FGD4: variants seen among roughly 807,000 people sequenced by gnomAD.
FGD4 encodes the protein FYVE, RhoGEF and PH domain containing 4.
Under a neutral mutation model 102.0 loss-of-function variants are expected in FGD4, and 42 were observed. The observed-to-expected ratio is 0.41, with a 90% CI of 0.32 to 0.53. FGD4 has a LOEUF of 0.53. Among genes scored for constraint, FGD4 ranks in the 20% least tolerant of loss-of-function variants. FGD4 has a pLI of 0.21. For missense variants in FGD4, 902 were observed against 1,078.2 expected, an observed-to-expected ratio of 0.84 and a Z score of 2.29; for synonymous variants, 380 against 375.7, an observed-to-expected ratio of 1.01 and a Z score of -0.13.
intron 8 of FGD4, among the ~76,000 whole-genome samples, chr12:32,608,391 T>G (rs567205536): frequency 2.6e-5 from 4 of 152,220 alleles, no homozygotes; most frequent in Non-Finnish European, 5.9e-5. Flanking sequence ...ACAATTTCCT[T>G]GTCAGAGGAA....
intron 11 of FGD4, among the ~76,000 whole-genome samples, chr12:32,622,292 A>C (rs959679409): frequency 6.6e-6 from 1 of 152,190 alleles, no homozygotes; most frequent in South Asian, 2.1e-4. Flanking sequence ...CACGTGTCTA[A>C]CTACAGGGTA....
intron 10 of FGD4, among the ~76,000 whole-genome samples, chr12:32,614,152 G>A (rs1949312223): frequency 6.6e-6 from 1 of 152,164 alleles, no homozygotes; most frequent in South Asian, 2.1e-4. Context: ...GCACAAGTCT[G>A]ACCGAAAAAT....
At chr12:32,488,652 A>G (rs1943987873) in intron 1 of FGD4, among the ~76,000 whole-genome samples, 1 of 152,206 alleles carries the variant, frequency 6.6e-6, no homozygotes, top group Non-Finnish European at 1.5e-5. Flanking sequence ...ATGTTAAAAA[A>G]TAAGTTGGCT....
chr12:32,560,364 A>G (rs543556583), intron 1 of FGD4, among the ~76,000 whole-genome samples: 62 of 152,070 alleles, frequency 4.1e-4, no homozygotes, highest in Admixed American at 3.9e-4. Context: ...CCATCCTCGC[A>G]CCTCGGCCTT....
intron 1 of FGD4, among the ~76,000 whole-genome samples, chr12:32,460,373 CTG>C (rs1943069777): frequency 2.0e-5 from 3 of 151,698 alleles, no homozygotes; most frequent in Non-Finnish European, 4.4e-5. Context: ...TAATTAGCCA[CTG>C]GTGGTGGTGC....
intron 1 of FGD4, among the ~76,000 whole-genome samples, chr12:32,419,430 C>T (rs905791233): frequency 1.3e-5 from 2 of 152,208 alleles, no homozygotes; most frequent in African/African-American, 4.8e-5. Context: ...TCCTCTGTGA[C>T]AGGGCAGCAC....
At chr12:32,486,473 C>T (rs1470242138) in intron 1 of FGD4, among the ~76,000 whole-genome samples, 1 of 152,134 alleles carries the variant, frequency 6.6e-6, no homozygotes, top group Non-Finnish European at 1.5e-5. Flanking sequence ...ACTGTTGACC[C>T]TTGTCATCTC....
At chr12:32,437,460 C>T (rs1309367572) in intron 1 of FGD4, among the ~76,000 whole-genome samples, 1 of 152,166 alleles carries the variant, frequency 6.6e-6, no homozygotes, top group Non-Finnish European at 1.5e-5. Flanking sequence ...TCCAACCGCA[C>T]CCAGATGTGT....
chr12:32,523,968 ACT>A (rs1284373117), intron 1 of FGD4, among the ~76,000 whole-genome samples: 1 of 151,882 alleles, frequency 6.6e-6, no homozygotes, highest in Non-Finnish European at 1.5e-5. Flanking sequence ...ACAGAGCAAG[ACT>A]CTGTCTCAAA....
chr12:32,564,029 G>A, intron 1 of FGD4, 108 bp from the exon 2 acceptor site: 1 of 1,000,176 alleles, frequency 1.0e-6, no homozygotes, highest in South Asian at 1.7e-5. Context: ...GAGGGAGAGG[G>A]AGGGGGAGGG....
At chr12:32,485,531 C>G (rs1462930762) in intron 1 of FGD4, among the ~76,000 whole-genome samples, 1 of 150,724 alleles carries the variant, frequency 6.6e-6, no homozygotes. Flanking sequence ...AGCTCCGCCT[C>G]CCAGGTTCAC....
intron 10 of FGD4, among the ~76,000 whole-genome samples, chr12:32,615,111 T>C (rs1341064197): frequency 6.6e-6 from 1 of 152,268 alleles, no homozygotes; most frequent in African/African-American, 2.4e-5. Context: ...CAAAATGTGG[T>C]ATGTTCATGC....
chr12:32,429,531 G>T (rs1941975938), intron 1 of FGD4, among the ~76,000 whole-genome samples: 2 of 152,258 alleles, frequency 1.3e-5, no homozygotes, highest in African/African-American at 4.8e-5. Flanking sequence ...GAGGCAGTCT[G>T]TCCCTTAGCA....
In FGD4 at chr12:32,640,540, C is replaced by T. The variant is rs777521871; in HGVS notation, c.*7C>T. ...GAAAAAATCAGAATGCTGAACTCCT[C>T]CAGGACCAGCCATGGTGTGGAGGTC... On this transcript the variant is annotated 3_prime_UTR_variant, in exon 17 of 17. Coordinates refer to ENST00000534526, the MANE Select transcript of FGD4 (RefSeq NM_001370298.3). 6.2e-7 allele frequency: 1 copy of T among 1,613,388 alleles called. No individual in the cohort carries two copies. Among genetic ancestry groups the T allele is most frequent in the South Asian group, 1.1e-5 (1 of 91,038 alleles).
At position 32,610,781 on chromosome 12, in the gene FGD4, C is replaced by T. The variant is rs746600770; in HGVS notation, c.1549C>T (p.Leu517Phe). The change falls in exon 9 of 17, where the codon CTT becomes TTT. Residue 517 changes from leucine to phenylalanine, a missense_variant. By Grantham distance (22) the Leu-to-Phe change is conservative (BLOSUM62 0). This residue lies in a region of FGD4 where 459 missense variants were observed against 619.0 expected (regional missense o/e 0.74). Coordinates refer to ENST00000534526, the MANE Select transcript of FGD4 (RefSeq NM_001370298.3). Reference protein sequence around the residue: ...SLDWNDAKKSLEIISTAASHS... With the variant: ...SLDWNDAKKSFEIISTAASHS... Reference sequence around the variant, plus strand: ...TTTCTTTTTTTCCCATTTAGAATCACTTGAAATTATATCTACAGCAGCAAG... The same window carrying T: ...TTTCTTTTTTTCCCATTTAGAATCATTTGAAATTATATCTACAGCAGCAAG... 6.2e-7 allele frequency: 1 copy of T among 1,613,050 alleles called. No homozygotes were observed. Among genetic ancestry groups the T allele is most frequent in the South Asian group, 1.1e-5 (1 of 91,070 alleles).
chr12:32,562,619 C>G (rs578208938), intron 1 of FGD4, among the ~76,000 whole-genome samples: 18 of 152,288 alleles, frequency 1.2e-4, no homozygotes, highest in South Asian at 1.0e-3. Flanking sequence ...TGATTCTTAA[C>G]GAGCATGCTG....
At chr12:32,445,891 G>C (rs911191620) in intron 1 of FGD4, among the ~76,000 whole-genome samples, 8 of 152,124 alleles carry the variant, frequency 5.3e-5, no homozygotes, top group African/African-American at 1.9e-4. Context: ...TTTGGACTGG[G>C]TGCTGTGACT....
intron 1 of FGD4, among the ~76,000 whole-genome samples, chr12:32,409,677 A>G (rs1434944855): frequency 6.6e-6 from 1 of 152,140 alleles, no homozygotes; most frequent in Non-Finnish European, 1.5e-5. Flanking sequence ...CCTGTTACTG[A>G]TGTCTGTGAT....
chr12:32,638,553 A>G lies in FGD4; in HGVS notation c.2314-102A>G, dbSNP rs1312741541. ...ATAATTGCAAATGAATCTTTTTTGG[A>G]TAGTCCAGGGAAACATTTTGTATAA... On this transcript the variant is annotated intron_variant, in intron 15 of 16. Coordinates refer to ENST00000534526, the MANE Select transcript of FGD4 (RefSeq NM_001370298.3). 9 of 1,446,014 alleles carry G rather than the reference A, an allele frequency of 6.2e-6. No individual in the cohort carries two copies. In the Admixed American group the frequency reaches 9.4e-5, roughly 15 times the overall value. 89.6% of individuals were successfully genotyped at this position (1,446,014 alleles called of 1,614,324 possible).
Sources: allele counts gnomAD v4.1 joint callset (sites outside exome capture counted in the v4.1 genomes callset), GRCh38; gene constraint gnomAD v4.1.1; regional missense constraint gnomAD v4.1.1; transcripts MANE v1.5; gene names NCBI Gene and HGNC (gene_info 2026-07-23, HGNC 2026-07-21).